Variants in DLGAP2 observed in about 807,000 individuals in gnomAD.
DLGAP2 encodes disks large-associated protein 2.
DLGAP2 carries 26 observed loss-of-function variants against 100.3 expected under a neutral mutation model. The observed-to-expected ratio is 0.26, with a 90% CI of 0.19 to 0.36. The LOEUF is 0.36. DLGAP2 is among the 10% of genes least tolerant of loss of function. DLGAP2 has a pLI of 1.00. For synonymous variants in DLGAP2, 886 were observed against 630.1 expected, an observed-to-expected ratio of 1.41 and a Z score of -6.08; for missense variants, 1,858 against 1,453.2, an observed-to-expected ratio of 1.28 and a Z score of -4.53.
chr8:1,210,106 C>G (rs1798072624), intron 2 of DLGAP2, among the ~76,000 whole-genome samples: 1 of 152,176 alleles, frequency 6.6e-6, no homozygotes, highest in Non-Finnish European at 1.5e-5. Flanking sequence ...AGGGTGGGTG[C>G]TGGGCCTTGA....
At chr8:1,691,756 C>A in intron 13 of DLGAP2, 130 bp downstream of exon 13, 2 of 800,820 alleles carry the variant, frequency 2.5e-6, no homozygotes, top group South Asian at 3.6e-5. Context: ...GCACTTACTA[C>A]AGAAGAGGCT....
chr8:1,226,999 G>C (rs899600373), intron 2 of DLGAP2, among the ~76,000 whole-genome samples: 6 of 150,876 alleles, frequency 4.0e-5, no homozygotes, highest in African/African-American at 1.5e-4. Context: ...CCTGCAACCT[G>C]TCTTCTGATT....
intron 2 of DLGAP2, among the ~76,000 whole-genome samples, chr8:1,065,915 G>A (rs996633673): frequency 6.6e-6 from 1 of 152,224 alleles, no homozygotes; most frequent in African/African-American, 2.4e-5. Flanking sequence ...TGGGGAGAAT[G>A]CTCTGGGCCT....
intron 2 of DLGAP2, among the ~76,000 whole-genome samples, chr8:1,237,105 ACCGTGCCTAGTTCTGTCTCACATGGGG>A (rs1798675606): frequency 3.1e-5 from 2 of 65,024 alleles, no homozygotes; most frequent in Non-Finnish European, 5.6e-5. Context: ...CTCACATGGC[ACCGTGCCTAGTTCTGTCTCACATGGGG>A]CCGTGTCTAG....
intron 2 of DLGAP2, among the ~76,000 whole-genome samples, chr8:1,051,575 T>G (rs1802713710): frequency 6.6e-6 from 1 of 152,224 alleles, no homozygotes; most frequent in Admixed American, 6.5e-5. Flanking sequence ...CATGCACAAA[T>G]AGAAATAGAC....
At chr8:1,156,639 G>A (rs10086564) in intron 2 of DLGAP2, among the ~76,000 whole-genome samples, 2,811 of 147,326 alleles carry the variant, frequency 0.019, 95 homozygotes, top group African/African-American at 0.061. Flanking sequence ...CCAGCGCCCC[G>A]GCTCAGCGCC....
chr8:1,049,782 A>T (rs1292484799), intron 2 of DLGAP2, among the ~76,000 whole-genome samples: 2 of 152,224 alleles, frequency 1.3e-5, no homozygotes, highest in African/African-American at 4.8e-5. Context: ...AGGCACATGC[A>T]CACATGAGTG....
intron 1 of DLGAP2, among the ~76,000 whole-genome samples, chr8:829,785 A>G (rs960764392): frequency 2.6e-5 from 4 of 152,240 alleles, no homozygotes; most frequent in Non-Finnish European, 5.9e-5. Flanking sequence ...ATATTAACGA[A>G]AATTGATATC....
intron 3 of DLGAP2, among the ~76,000 whole-genome samples, chr8:1,384,139 G>C (rs1169059013): frequency 6.6e-6 from 1 of 152,256 alleles, no homozygotes; most frequent in Non-Finnish European, 1.5e-5. Context: ...ACTAGGCCAG[G>C]TCTGTATTTT....
chr8:758,929 A>G (rs1259603093), intron 1 of DLGAP2, among the ~76,000 whole-genome samples: 1 of 149,688 alleles, frequency 6.7e-6, no homozygotes, highest in Non-Finnish European at 1.5e-5. Flanking sequence ...GTTCCTATCT[A>G]ACCACTACCC....
intron 3 of DLGAP2, chr8:1,302,719 G>A (rs1412690702): frequency 6.6e-6 from 1 of 152,260 alleles, no homozygotes; most frequent in Non-Finnish European, 1.5e-5. Flanking sequence ...CCCCAGTTAC[G>A]GGTAACGGGC....
At chr8:1,511,524 A>G (rs562010516) in intron 4 of DLGAP2, among the ~76,000 whole-genome samples, 47 of 146,378 alleles carry the variant, frequency 3.2e-4, no homozygotes, top group Middle Eastern at 4.0e-3. Context: ...GTCTAGTGTA[A>G]GACAGTCAAT....
chr8:1,197,417 C>A (rs1481431208), intron 2 of DLGAP2, among the ~76,000 whole-genome samples: 1 of 152,198 alleles, frequency 6.6e-6, no homozygotes, highest in African/African-American at 2.4e-5. Flanking sequence ...GACAAAGGCC[C>A]TGGATAGAAA....
At chr8:1,538,288 G>A (rs377085692) in intron 4 of DLGAP2, among the ~76,000 whole-genome samples, 96 of 152,196 alleles carry the variant, frequency 6.3e-4, no homozygotes, top group African/African-American at 2.1e-3. Flanking sequence ...GTGTTCAAAA[G>A]TTATTTCTCA....
chr8:1,066,078 C>G (rs1413377697), intron 2 of DLGAP2, among the ~76,000 whole-genome samples: 5 of 152,118 alleles, frequency 3.3e-5, no homozygotes, highest in Non-Finnish European at 5.9e-5. Flanking sequence ...GAGGACAGTT[C>G]CCCACAACGG....
intron 1 of DLGAP2, among the ~76,000 whole-genome samples, chr8:906,725 C>G (rs922418791): frequency 6.6e-6 from 1 of 152,186 alleles, no homozygotes; most frequent in Non-Finnish European, 1.5e-5. Context: ...ACTGTCTCAC[C>G]GCGGTTTGTT....
chr8:1,320,270 GT>G (rs1800864739), intron 3 of DLGAP2, among the ~76,000 whole-genome samples: 1 of 152,092 alleles, frequency 6.6e-6, no homozygotes, highest in Admixed American at 6.5e-5. Flanking sequence ...CCCACTGAGT[GT>G]AGTAAAGATC....
intron 4 of DLGAP2, among the ~76,000 whole-genome samples, chr8:1,510,132 G>T (rs188932955): frequency 6.6e-6 from 1 of 152,216 alleles, no homozygotes; most frequent in South Asian, 2.1e-4. Context: ...TTACAAGCAC[G>T]CTCCCGTGCA....
chr8:1,003,660 G>A (rs983314617), intron 2 of DLGAP2, among the ~76,000 whole-genome samples: 2 of 152,202 alleles, frequency 1.3e-5, no homozygotes, highest in Non-Finnish European at 2.9e-5. Context: ...CTGGAGATTT[G>A]ACTGGGCAGT....
Sources: gnomAD v4.1 joint callset for allele counts (sites outside exome capture counted in the v4.1 genomes callset) on GRCh38, gnomAD v4.1.1 for gene constraint, MANE v1.5 for transcripts, NCBI Gene and HGNC (gene_info 2026-07-23, HGNC 2026-07-21) for gene names.